Variants in PNPLA8 observed in about 807,000 individuals in gnomAD.
PNPLA8 encodes the protein calcium-independent phospholipase A2-gamma.
PNPLA8 carries 39 observed loss-of-function variants against 76.9 expected under a neutral mutation model. The ratio of observed to expected loss-of-function variants is 0.51; its 90% CI spans 0.39 to 0.66. The LOEUF (loss-of-function observed/expected upper bound fraction) is 0.66, where lower values mean the gene tolerates loss of function less well. Ranked by LOEUF, PNPLA8 falls within the 30% of genes least tolerant of loss-of-function variation. The pLI is 0.00. For synonymous variants in PNPLA8, 301 were observed against 307.9 expected (o/e 0.98, Z 0.24); for missense variants, 887 against 918.0 (o/e 0.97, Z 0.44).
At chr7:108,495,724 T>C (rs180966836) in intron 7 of PNPLA8, among the ~76,000 whole-genome samples, 1 of 152,248 alleles carries the variant, frequency 6.6e-6, no homozygotes, top group Admixed American at 6.5e-5. Flanking sequence ...CCCAAAAAAT[T>C]AGGAACATAA....
At chr7:108,510,215 CT>C in intron 4 of PNPLA8, 1 of 1,147,908 alleles carries the variant, frequency 8.7e-7, no homozygotes, top group Non-Finnish European at 1.2e-6. Flanking sequence ...GTAACTAGCT[CT>C]TTTTCCGGCT....
chr7:108,506,039 A>T (rs192787666), intron 4 of PNPLA8, among the ~76,000 whole-genome samples: 1 of 152,222 alleles, frequency 6.6e-6, no homozygotes, highest in Non-Finnish European at 1.5e-5. Context: ...AATTAAAACC[A>T]TAATTTAGTA....
At position 108,496,640 on chromosome 7, in the gene PNPLA8, T is replaced by A; in HGVS notation, c.1569A>T (p.Val523=). The A allele has an allele frequency of 3.1e-6, 5 of 1,610,466 alleles. No individual in the cohort carries two copies. The highest frequency in any genetic ancestry group is 4.2e-6 in the Non-Finnish European group (5 of 1,178,700). Residue 523 remains valine, a synonymous_variant, in exon 7 of 11, where the codon GTA becomes GTT. Coordinates refer to ENST00000257694, the MANE Select transcript of PNPLA8 (RefSeq NM_001256007.3). ...AAAATGCATGGCTCCAACTCATTTTTACTGTTCCAACAATGACATTTTGTG... is the reference window on the plus strand; with the variant it reads ...AAAATGCATGGCTCCAACTCATTTTAACTGTTCCAACAATGACATTTTGTG... ...VFSQNVIVGT[V]KMSWSHAFYD...
intron 9 of PNPLA8, chr7:108,480,829 A>G: frequency 6.7e-6 from 2 of 296,556 alleles, no homozygotes; most frequent in South Asian, 5.8e-5. Context: ...ATATTACCAC[A>G]ATCAAGATAC....
chr7:108,473,168 A>C (rs949430836), intron 10 of PNPLA8, among the ~76,000 whole-genome samples: 2 of 152,192 alleles, frequency 1.3e-5, no homozygotes, highest in African/African-American at 4.8e-5. Context: ...CTTTCCTAGA[A>C]TTTCATACAA....
chr7:108,512,502 T>A (rs1863009472), intron 4 of PNPLA8, among the ~76,000 whole-genome samples: 1 of 152,206 alleles, frequency 6.6e-6, no homozygotes, highest in South Asian at 2.1e-4. Flanking sequence ...GTAACTCATT[T>A]TTTTTTAGGG....
chr7:108,503,342 T>C (rs1862101516), intron 4 of PNPLA8, among the ~76,000 whole-genome samples: 1 of 152,218 alleles, frequency 6.6e-6, no homozygotes, highest in South Asian at 2.1e-4. Flanking sequence ...AATGGCTGAG[T>C]GGCAGCTATA....
intron 2 of PNPLA8, among the ~76,000 whole-genome samples, chr7:108,519,458 G>A (rs765079707): frequency 1.3e-5 from 2 of 152,186 alleles, no homozygotes; most frequent in East Asian, 3.9e-4. Flanking sequence ...ATGTAGTCTA[G>A]TTTTACTGCA....
At chr7:108,505,352 A>ATT (rs1164840586) in intron 4 of PNPLA8, among the ~76,000 whole-genome samples, 2 of 13,894 alleles carry the variant, frequency 1.4e-4, no homozygotes, top group African/African-American at 4.6e-4. Context: ...ATATATATAT[A>ATT]TTTTTTTTTT....
chr7:108,492,419 C>A (rs1002799048), intron 7 of PNPLA8, among the ~76,000 whole-genome samples: 5 of 152,090 alleles, frequency 3.3e-5, no homozygotes, highest in Admixed American at 6.6e-5. Flanking sequence ...TCACAGAATT[C>A]TTACTGTAAA....
intron 8 of PNPLA8, among the ~76,000 whole-genome samples, chr7:108,488,861 GGCT>G (rs1430248769): frequency 1.3e-5 from 2 of 152,280 alleles, no homozygotes; most frequent in South Asian, 4.1e-4. Context: ...AAACTTAAGA[GGCT>G]GACAGGTATT....
At chr7:108,476,037 T>C (rs10249427) in intron 10 of PNPLA8, among the ~76,000 whole-genome samples, 29,412 of 152,112 alleles carry the variant, frequency 0.19, 3,039 homozygotes, top group East Asian at 0.35. Flanking sequence ...AATCAAGTTT[T>C]CTCATTCCTT....
At chr7:108,525,595 T>C (rs1364595422) in intron 1 of PNPLA8, among the ~76,000 whole-genome samples, 1 of 152,056 alleles carries the variant, frequency 6.6e-6, no homozygotes, top group Non-Finnish European at 1.5e-5. Context: ...TGACAAAAAA[T>C]ATCAGGCAGT....
intron 2 of PNPLA8, among the ~76,000 whole-genome samples, chr7:108,517,682 C>A (rs1863437964): frequency 6.6e-6 from 1 of 152,176 alleles, no homozygotes; most frequent in South Asian, 2.1e-4. Context: ...TCTGAAAAGG[C>A]TACATACTGT....
Position 108,487,912 on chromosome 7 carries a change from G to C in PNPLA8, c.1725C>G (p.Pro575=). 1 of 1,613,260 alleles carries C rather than the reference G, an allele frequency of 6.2e-7. No individual in the cohort carries two copies. The highest frequency in any genetic ancestry group is 8.5e-7 in the Non-Finnish European group (1 of 1,179,392). ...CATAGTTTCTGAACACAAAAGCTTT[G>C]GGTGTTATCCCTCTATTTACTATGG... ...VSTIVNRGIT[P]KAFVFRNYGH... The change falls in exon 9 of 11, where the codon CCC becomes CCG. Residue 575 remains proline, a synonymous_variant. Transcript: ENST00000257694.
In PNPLA8 at chr7:108,472,324, G is replaced by A. The variant is rs1859675707; in HGVS notation, c.*77C>T. 5 of 1,044,098 alleles carry A rather than the reference G, an allele frequency of 4.8e-6. No individual in the cohort carries two copies. Among genetic ancestry groups the A allele is most frequent in the African/African-American group, 1.6e-5 (1 of 61,504 alleles). 64.7% of individuals were successfully genotyped at this position (1,044,098 alleles called of 1,614,324 possible). A position where few individuals can be genotyped will look rare whatever the true frequency, so the allele number is the denominator to read the frequency against. On this transcript the variant is annotated 3_prime_UTR_variant, in exon 11 of 11. Coordinates refer to ENST00000257694, the MANE Select transcript of PNPLA8 (RefSeq NM_001256007.3). The stretch of plus-strand genomic sequence containing the variant: ...ACGTATTTCAAAGTTAACTCATGTC[G>A]AACCCCACAATTCCTTATTGAATGT...
chr7:108,488,134 T>C (rs554761158), intron 8 of PNPLA8, among the ~76,000 whole-genome samples, 181 bp from the exon 9 acceptor site: 1 of 152,240 alleles, frequency 6.6e-6, no homozygotes, highest in East Asian at 1.9e-4. Context: ...ATAATAGATA[T>C]AAAGACTGAA....
At chr7:108,481,251 G>A (rs1008934225) in intron 9 of PNPLA8, among the ~76,000 whole-genome samples, 1 of 152,180 alleles carries the variant, frequency 6.6e-6, no homozygotes, top group African/African-American at 2.4e-5. Flanking sequence ...GGAGCATATG[G>A]TAAGTATACG....
intron 4 of PNPLA8, chr7:108,510,670 G>A (rs1862851616): frequency 2.5e-6 from 4 of 1,597,044 alleles, no homozygotes; most frequent in Non-Finnish European, 8.5e-7. Context: ...ACCCCAATCT[G>A]AAGTCAGTAA....
Sources: allele counts gnomAD v4.1 joint callset (sites outside exome capture counted in the v4.1 genomes callset), GRCh38; gene constraint gnomAD v4.1.1; transcripts MANE v1.5; gene names NCBI Gene and HGNC (gene_info 2026-07-23, HGNC 2026-07-21).